The following ZFHX3 variants were observed in gnomAD, a reference collection of about 807,000 sequenced individuals.
ZFHX3 encodes the protein zinc finger homeobox protein 3.
ZFHX3 carries 42 observed loss-of-function variants against 279.1 expected under a neutral mutation model. That is an observed-to-expected ratio of 0.15 (90% CI 0.12 to 0.19). ZFHX3 has a LOEUF of 0.19. Among genes scored for constraint, ZFHX3 ranks in the 10% least tolerant of loss-of-function variants. ZFHX3 has a pLI of 1.00. For synonymous variants in ZFHX3, 2,293 were observed against 1,957.8 expected, an observed-to-expected ratio of 1.17 and a Z score of -4.52; for missense variants, 4,981 against 4,754.0, an observed-to-expected ratio of 1.05 and a Z score of -1.40.
intron 2 of ZFHX3, among the ~76,000 whole-genome samples, chr16:73,577,571 C>G (rs987852455): frequency 1.3e-5 from 2 of 152,202 alleles, no homozygotes; most frequent in Admixed American, 1.3e-4. Context: ...GCCTGTCCCT[C>G]AGACCCCACT....
At chr16:73,524,600 C>T (rs1027110007) in intron 2 of ZFHX3, among the ~76,000 whole-genome samples, 3 of 152,196 alleles carry the variant, frequency 2.0e-5, no homozygotes, top group Non-Finnish European at 2.9e-5. Context: ...CAGCACTCAA[C>T]GCATCTCATT....
chr16:73,692,111 C>T (rs8047721), intron 1 of ZFHX3, among the ~76,000 whole-genome samples: 5,218 of 152,242 alleles, frequency 0.034, 255 homozygotes, highest in African/African-American at 0.1. Flanking sequence ...TTTGAAAATA[C>T]GTCCACAGAT....
chr16:73,486,934 G>A lies in ZFHX3; in HGVS notation c.-1546-30676C>T, dbSNP rs551733750. On this transcript the variant is annotated intron_variant, in intron 2 of 17. Transcript: ENST00000641206. ...CAAATTCTTTCCACTGTAAGGCCAA[G>A]GCAATTTGGGTTACTGGGTATTTAT... is the stretch of plus-strand genomic sequence containing the variant. 602 of 444,122 alleles carry A rather than the reference G, an allele frequency of 1.4e-3. 11 individuals are homozygous for A. Among genetic ancestry groups the A allele is most frequent in the South Asian group, 9.3e-3 (584 of 63,082 alleles). The allele number at this position is 444,122 out of a possible 1,614,324, so 27.5% of individuals were successfully genotyped here. A position where few individuals can be genotyped will look rare whatever the true frequency, so the allele number is the denominator to read the frequency against.
intron 1 of ZFHX3, among the ~76,000 whole-genome samples, chr16:73,716,518 C>T (rs1484653631): frequency 6.6e-6 from 1 of 152,076 alleles, no homozygotes; most frequent in East Asian, 1.9e-4. Flanking sequence ...CTCAGGACCT[C>T]CCACCTCTCA....
At chr16:73,378,894 T>G (rs760597949) in intron 3 of ZFHX3, among the ~76,000 whole-genome samples, 2 of 152,192 alleles carry the variant, frequency 1.3e-5, no homozygotes, top group Non-Finnish European at 2.9e-5. Context: ...TGTAGTACCT[T>G]CCCATGCTTC....
rs772902362 is a variant in ZFHX3, at chr16:72,950,774, G to A, written c.2911C>T (p.Leu971=). 11 of 1,614,112 alleles carry A rather than the reference G, an allele frequency of 6.8e-6. No individual in the cohort carries two copies. Among genetic ancestry groups the A allele is most frequent in the Non-Finnish European group, 5.9e-6 (7 of 1,180,060 alleles). The change falls in exon 3 of 10, where the codon CTG becomes TTG. Residue 971 remains leucine, a synonymous_variant. Transcript: ENST00000268489. ...ACCGCCTTCCACTCGTCCTCCGACA[G>A]GCTGCGCTCCACGTTCATGTGCAGG... ...LGLHMNVERS[L]SEDEWKAVMG... is the part of the protein sequence containing the mutation.
At chr16:72,865,734 C>T (rs955435332) in intron 4 of ZFHX3, among the ~76,000 whole-genome samples, 4 of 152,182 alleles carry the variant, frequency 2.6e-5, no homozygotes, top group African/African-American at 9.7e-5. Context: ...GGGCTTCCAC[C>T]ATCAGGACTG....
At chr16:73,112,421 A>T (rs1966385840) in intron 7 of ZFHX3, among the ~76,000 whole-genome samples, 1 of 152,084 alleles carries the variant, frequency 6.6e-6, no homozygotes, top group Non-Finnish European at 1.5e-5. Flanking sequence ...ATTTAAAAAA[A>T]TTTTAAAAAG....
At chr16:73,309,758 A>T (rs1239350343) in intron 4 of ZFHX3, among the ~76,000 whole-genome samples, 11 of 152,206 alleles carry the variant, frequency 7.2e-5, no homozygotes, top group Admixed American at 7.2e-4. Flanking sequence ...CAGGACAATA[A>T]TGCTTAACAG....
intron 2 of ZFHX3, among the ~76,000 whole-genome samples, chr16:73,669,645 T>C: frequency 6.6e-6 from 1 of 152,236 alleles, no homozygotes; most frequent in South Asian, 2.1e-4. Context: ...CTGGAGGCCA[T>C]GAAAGTGAAG....
chr16:73,303,336 G>T (rs561392108), intron 4 of ZFHX3, among the ~76,000 whole-genome samples: 1 of 152,272 alleles, frequency 6.6e-6, no homozygotes, highest in Non-Finnish European at 1.5e-5. Flanking sequence ...CCGAGCAATG[G>T]AAAAATGTTA....
At chr16:72,916,366 T>C (rs2039443469) in intron 3 of ZFHX3, among the ~76,000 whole-genome samples, 1 of 152,226 alleles carries the variant, frequency 6.6e-6, no homozygotes, top group Non-Finnish European at 1.5e-5. Context: ...TTAAAAATGT[T>C]GGCCCAGAGA....
intron 2 of ZFHX3, among the ~76,000 whole-genome samples, chr16:73,676,647 T>G (rs1374425660): frequency 6.6e-6 from 1 of 151,920 alleles, no homozygotes; most frequent in Non-Finnish European, 1.5e-5. Context: ...CGTAAATGGC[T>G]TAAATTTCCC....
intron 1 of ZFHX3, among the ~76,000 whole-genome samples, chr16:73,843,953 CT>C (rs1567428270): frequency 6.6e-6 from 1 of 152,132 alleles, no homozygotes; most frequent in African/African-American, 2.4e-5. Flanking sequence ...TCTTTCAATT[CT>C]TTTTTCAACG....
intron 2 of ZFHX3, among the ~76,000 whole-genome samples, chr16:73,580,114 G>T (rs2051844203): frequency 6.6e-6 from 1 of 151,340 alleles, no homozygotes; most frequent in East Asian, 1.9e-4. Context: ...TATTCTATTA[G>T]GTGTCTTAAA....
chr16:72,894,340 G>A (rs143687563), intron 3 of ZFHX3, among the ~76,000 whole-genome samples: 344 of 152,178 alleles, frequency 2.3e-3, no homozygotes, highest in African/African-American at 7.6e-3. Context: ...AGTAAACAGA[G>A]ACCCAAAGCT....
intron 1 of ZFHX3, among the ~76,000 whole-genome samples, chr16:73,045,839 T>A (rs998313790): frequency 1.4e-5 from 2 of 147,530 alleles, no homozygotes; most frequent in Non-Finnish European, 1.5e-5. Context: ...AAGTGACCCA[T>A]GTCATAAAGA....
intron 2 of ZFHX3, among the ~76,000 whole-genome samples, chr16:72,956,831 C>A (rs554282398): frequency 1.7e-4 from 25 of 148,418 alleles, no homozygotes; most frequent in Admixed American, 2.0e-4. Context: ...CAAAAATAAG[C>A]AAAAAAAAAA....
rs1323258162 is a variant in ZFHX3 at position 73,891,028 on chromosome 16, CT to C, written c.-1608+622del. Reference sequence around the variant, plus strand: ...CCTACCCCACCTCGCCGCTCCCCCCCTCCACCTCACCCCCGCTCAGAGAAGT... The same window carrying C: ...CCTACCCCACCTCGCCGCTCCCCCCCCCACCTCACCCCCGCTCAGAGAAGT... On this transcript the variant is annotated intron_variant, in intron 1 of 17. Transcript: ENST00000641206. 3.3e-4 allele frequency among the ~76,000 whole-genome samples: 49 copies of C among 150,624 alleles called. 1 individual carries two copies. The East Asian group carries it at 9.3e-3, about 28-fold the overall frequency.
Sources: gnomAD v4.1 joint callset for allele counts (sites outside exome capture counted in the v4.1 genomes callset) on GRCh38, gnomAD v4.1.1 for gene constraint, MANE v1.5 for transcripts, NCBI Gene and HGNC (gene_info 2026-07-23, HGNC 2026-07-21) for gene names.